The following SPOCK3 variants were observed in gnomAD, a reference collection of about 807,000 sequenced individuals.
The protein encoded by SPOCK3 is testican-3.
In SPOCK3, 30 loss-of-function variants were observed where a neutral mutation model predicts 56.6. The ratio of observed to expected loss-of-function variants is 0.53; its 90% CI spans 0.40 to 0.72. The LOEUF is 0.72. Ranked by LOEUF, SPOCK3 falls within the 30% of genes least tolerant of loss-of-function variation. SPOCK3 has a pLI of 0.00. For missense variants in SPOCK3, 527 were observed against 530.0 expected, an observed-to-expected ratio of 0.99 and a Z score of 0.06; for synonymous variants, 196 against 183.3, an observed-to-expected ratio of 1.07 and a Z score of -0.56.
At chr4:167,115,838 C>T (rs541778570) in intron 2 of SPOCK3, among the ~76,000 whole-genome samples, 6 of 152,006 alleles carry the variant, frequency 3.9e-5, no homozygotes, top group South Asian at 2.1e-4. Flanking sequence ...AAGTCCTGAA[C>T]GAAAATAGCT....
At chr4:167,002,837 C>T (rs1353321772) in intron 3 of SPOCK3, among the ~76,000 whole-genome samples, 4 of 152,096 alleles carry the variant, frequency 2.6e-5, no homozygotes, top group African/African-American at 9.7e-5. Context: ...TAATGTTTAG[C>T]CTATGTTGAT....
chr4:166,851,865 T>C (rs1730128729), intron 6 of SPOCK3, among the ~76,000 whole-genome samples: 2 of 151,860 alleles, frequency 1.3e-5, no homozygotes, highest in African/African-American at 2.4e-5. Flanking sequence ...TATTGCGGCA[T>C]TATTCACAAT....
chr4:167,125,205 T>TTATG (rs1399663379), intron 2 of SPOCK3, among the ~76,000 whole-genome samples: 1,686 of 147,754 alleles, frequency 0.011, 20 homozygotes, highest in Middle Eastern at 0.025. Context: ...ATTTATTTAT[T>TTATG]TATTTATTTA....
intron 4 of SPOCK3, among the ~76,000 whole-genome samples, chr4:166,937,927 C>T (rs4269202): frequency 8.7e-6 from 1 of 114,740 alleles, no homozygotes; most frequent in Admixed American, 1.1e-4. Flanking sequence ...CCACGCCCGG[C>T]TAATCTCTTT....
chr4:167,125,709 C>T (rs1762218420), intron 2 of SPOCK3, among the ~76,000 whole-genome samples: 1 of 152,004 alleles, frequency 6.6e-6, no homozygotes, highest in South Asian at 2.1e-4. Context: ...AGGGAGACTC[C>T]GTCTCAAAAA....
At chr4:167,218,626 A>G (rs1363921739) in intron 2 of SPOCK3, among the ~76,000 whole-genome samples, 1 of 152,176 alleles carries the variant, frequency 6.6e-6, no homozygotes, top group Non-Finnish European at 1.5e-5. Flanking sequence ...AATATATTTT[A>G]GTCCCTAAAA....
chr4:166,981,769 A>T (rs1295630543), intron 4 of SPOCK3, among the ~76,000 whole-genome samples: 1 of 151,988 alleles, frequency 6.6e-6, no homozygotes, highest in Non-Finnish European at 1.5e-5. Flanking sequence ...CATCCATGGC[A>T]CCCTGGCAGT....
At position 166,764,831 on chromosome 4, in the gene SPOCK3, C is replaced by G. The variant is rs1194082696; in HGVS notation, c.710-10102G>C. On this transcript the variant is annotated intron_variant, in intron 7 of 10. Transcript: ENST00000357545. ...ACAGTGTAAATGTGTTCCTATTTCT[C>G]CACATCCTCTCCAGCACCTGTTGTT... Among the ~76,000 whole-genome samples, 3 of 151,074 alleles carry G rather than the reference C, an allele frequency of 2.0e-5. No individual in the cohort carries two copies. In the East Asian group the frequency reaches 5.9e-4, roughly 29 times the overall value.
Position 166,866,524 on chromosome 4 carries a change from T to C in SPOCK3, c.589+22606A>G, listed in dbSNP as rs180703580. Among the ~76,000 whole-genome samples the C allele has an allele frequency of 8.5e-5, 13 of 152,196 alleles. No individual in the cohort carries two copies. In the East Asian group the frequency reaches 2.5e-3, roughly 29 times the overall value. On this transcript the variant is annotated intron_variant, in intron 6 of 10. Transcript: ENST00000357545. Reference sequence around the variant, plus strand: ...TCAGAATGGGAGAAAATGTTTTCAATCTATCTATCTGACAAATGTCTAATA... The same window carrying C: ...TCAGAATGGGAGAAAATGTTTTCAACCTATCTATCTGACAAATGTCTAATA...
At chr4:167,109,358 ATAT>A (rs1760626046) in intron 2 of SPOCK3, among the ~76,000 whole-genome samples, 2 of 38,586 alleles carry the variant, frequency 5.2e-5, no homozygotes, top group African/African-American at 8.2e-5. Flanking sequence ...AAATAAATAT[ATAT>A]TTATATATAT....
chr4:167,128,932 C>A (rs1762497632), intron 2 of SPOCK3, among the ~76,000 whole-genome samples: 1 of 152,090 alleles, frequency 6.6e-6, no homozygotes, highest in African/African-American at 2.4e-5. Flanking sequence ...GGCACCTGGG[C>A]CATTTCCAAA....
intron 4 of SPOCK3, among the ~76,000 whole-genome samples, chr4:166,931,892 C>T (rs1739829811): frequency 6.6e-6 from 1 of 152,166 alleles, no homozygotes; most frequent in African/African-American, 2.4e-5. Context: ...ACTATTGGAC[C>T]TTCCCTATTA....
intron 4 of SPOCK3, among the ~76,000 whole-genome samples, chr4:166,936,121 C>T (rs981693397): frequency 3.3e-5 from 5 of 152,038 alleles, no homozygotes; most frequent in African/African-American, 9.7e-5. Context: ...GTATTAATTA[C>T]ATTGACTAGT....
chr4:167,119,266 G>A (rs1761675664), intron 2 of SPOCK3, among the ~76,000 whole-genome samples: 1 of 152,072 alleles, frequency 6.6e-6, no homozygotes, highest in Non-Finnish European at 1.5e-5. Context: ...CTCTAAGAGA[G>A]GTGAAGAGCA....
At chr4:166,790,861 T>G (rs1263613546) in intron 7 of SPOCK3, among the ~76,000 whole-genome samples, 1 of 152,142 alleles carries the variant, frequency 6.6e-6, no homozygotes, top group East Asian at 1.9e-4. Context: ...GGTGTGAACA[T>G]GAATCTTTAA....
chr4:167,046,230 CTTT>C (rs1227725374), intron 3 of SPOCK3, among the ~76,000 whole-genome samples: 1 of 151,728 alleles, frequency 6.6e-6, no homozygotes, highest in Non-Finnish European at 1.5e-5. Context: ...TGCCTGGCTT[CTTT>C]TGAGTTTTGT....
At chr4:166,807,167 GTA>G (rs1208421881) in intron 6 of SPOCK3, among the ~76,000 whole-genome samples, 1 of 152,012 alleles carries the variant, frequency 6.6e-6, no homozygotes, top group Non-Finnish European at 1.5e-5. Context: ...GACCAAGAAT[GTA>G]TACTTTGTTG....
rs568676225 is a variant in SPOCK3 at position 166,988,649 on chromosome 4, A to C, written c.350+11700T>G. ...CAGTTCACAGGCAACTAATAATAGA[A>C]TTCATAGGCAGCAGATAATGGGAGG... On this transcript the variant is annotated intron_variant, in intron 4 of 10. Coordinates refer to ENST00000357545, the MANE Select transcript of SPOCK3 (RefSeq NM_001040159.2). Among the ~76,000 whole-genome samples, 10 of 152,242 alleles carry C rather than the reference A, an allele frequency of 6.6e-5. No homozygotes were observed. In the South Asian group the frequency reaches 1.9e-3, roughly 28 times the overall value.
At chr4:167,217,734 A>G (rs186513136) in intron 2 of SPOCK3, among the ~76,000 whole-genome samples, 296 of 152,236 alleles carry the variant, frequency 1.9e-3, no homozygotes, top group Admixed American at 3.1e-3. Flanking sequence ...TTTATTTAAG[A>G]AAGAAACTTG....
Sources: gnomAD v4.1 joint callset for allele counts (sites outside exome capture counted in the v4.1 genomes callset) on GRCh38, gnomAD v4.1.1 for gene constraint, MANE v1.5 for transcripts, NCBI Gene and HGNC (gene_info 2026-07-23, HGNC 2026-07-21) for gene names.